The following XKR9 variants were observed in gnomAD, a reference collection of about 807,000 sequenced individuals.
XKR9 encodes the protein XK related 9.
XKR9 carries 32 observed loss-of-function variants against 32.0 expected under a neutral mutation model. The observed-to-expected ratio is 1.00, with a 90% CI of 0.76 to 1.34. The LOEUF (loss-of-function observed/expected upper bound fraction) is 1.34. XKR9 is among the 40% of genes most tolerant of loss of function. The pLI is 0.00. For synonymous variants in XKR9, 168 were observed against 143.4 expected (o/e 1.17, Z -1.22); for missense variants, 546 against 429.7 (o/e 1.27, Z -2.39).
the XKR9 span, among the ~76,000 whole-genome samples, chr8:70,867,813 T>C: frequency 1.3e-5 from 2 of 152,186 alleles, no homozygotes; most frequent in Admixed American, 1.3e-4. Flanking sequence ...CAAAGTCTCA[T>C]CTGAGACAAG....
At chr8:70,853,057 T>G in the XKR9 span, among the ~76,000 whole-genome samples, 1 of 152,164 alleles carries the variant, frequency 6.6e-6, no homozygotes, top group Admixed American at 6.6e-5. Context: ...GGAATACTAT[T>G]CAACCATAAA....
chr8:70,795,636 CA>C, the XKR9 span, among the ~76,000 whole-genome samples: 7 of 152,142 alleles, frequency 4.6e-5, no homozygotes, highest in Admixed American at 4.6e-4. Context: ...ATAACCTTGT[CA>C]GCATCTGTTA....
At chr8:70,670,287 G>A (rs1019295201) in intron 1 of XKR9, among the ~76,000 whole-genome samples, 8 of 152,128 alleles carry the variant, frequency 5.3e-5, no homozygotes, top group African/African-American at 1.7e-4. Context: ...GCCGTTTTGT[G>A]CCCAAGATGG....
chr8:70,766,029 A>G (rs921167312), intron 2 of XKR9, among the ~76,000 whole-genome samples: 1 of 152,096 alleles, frequency 6.6e-6, no homozygotes, highest in Non-Finnish European at 1.5e-5. Context: ...TGTTTGAGTC[A>G]GGTAGTGTGA....
chr8:70,942,737 T>C, the XKR9 span, among the ~76,000 whole-genome samples: 1 of 152,166 alleles, frequency 6.6e-6, no homozygotes, highest in Non-Finnish European at 1.5e-5. Context: ...ATCATCCTTT[T>C]AGGCTTGTTA....
At chr8:70,876,309 C>T in the XKR9 span, among the ~76,000 whole-genome samples, 2 of 151,074 alleles carry the variant, frequency 1.3e-5, no homozygotes, top group East Asian at 3.9e-4. Flanking sequence ...GCAACCTCCG[C>T]CTCCTAGGTT....
At position 70,733,840 on chromosome 8, in the gene XKR9, GT is replaced by G; in HGVS notation, c.540del (p.Asp181IlefsTer4). 6.2e-7 allele frequency: 1 copy of G among 1,600,926 alleles called. No individual in the cohort carries two copies. Among genetic ancestry groups the G allele is most frequent in the Non-Finnish European group, 8.5e-7 (1 of 1,176,394 alleles). ...VSCCAISWST[V>X]DYQVALRKSL... ...TTGCTGTGCTATTTCTTGGTCAACTGTTGATTATCAAGTAGCTTTAAGAAAA... is the reference window on the plus strand; with the variant it reads ...TTGCTGTGCTATTTCTTGGTCAACTGTGATTATCAAGTAGCTTTAAGAAAA... On this transcript the variant is annotated frameshift_variant, in exon 5 of 5. Transcript: ENST00000408926. LOFTEE classifies it high-confidence loss of function.
chr8:70,950,575 C>G, the XKR9 span, among the ~76,000 whole-genome samples: 1 of 152,120 alleles, frequency 6.6e-6, no homozygotes, highest in Non-Finnish European at 1.5e-5. Flanking sequence ...CGGAGGACAG[C>G]CTTGAGTTTC....
At chr8:70,749,817 A>T (rs2130181200) in intron 2 of XKR9, among the ~76,000 whole-genome samples, 1 of 152,336 alleles carries the variant, frequency 6.6e-6, no homozygotes, top group African/African-American at 2.4e-5. Flanking sequence ...TATCACTGTG[A>T]CTATAAGACA....
the XKR9 span, among the ~76,000 whole-genome samples, chr8:71,024,046 AG>A: frequency 6.6e-6 from 1 of 152,096 alleles, no homozygotes; most frequent in African/African-American, 2.4e-5. Context: ...TGGGAGGGGC[AG>A]GGCCAGGCCA....
chr8:70,801,268 A>G, the XKR9 span, among the ~76,000 whole-genome samples: 2 of 151,916 alleles, frequency 1.3e-5, no homozygotes, highest in African/African-American at 4.8e-5. Context: ...TGTTAATTTG[A>G]AGTTTTCATA....
At chr8:70,931,613 A>G in the XKR9 span, among the ~76,000 whole-genome samples, 2 of 152,186 alleles carry the variant, frequency 1.3e-5, no homozygotes, top group Non-Finnish European at 2.9e-5. Flanking sequence ...GAAAGAAAAG[A>G]GGTTTATTTT....
chr8:70,882,828 G>A, the XKR9 span, among the ~76,000 whole-genome samples: 1 of 151,488 alleles, frequency 6.6e-6, no homozygotes, highest in Non-Finnish European at 1.5e-5. Context: ...CATTTTATGA[G>A]TTTTGCCAAA....
the XKR9 span, among the ~76,000 whole-genome samples, chr8:70,858,125 G>T: frequency 2.0e-5 from 3 of 152,154 alleles, no homozygotes; most frequent in African/African-American, 7.2e-5. Flanking sequence ...GGGCAATCAG[G>T]CAGGAGAAGG....
chr8:70,882,326 T>G, the XKR9 span, among the ~76,000 whole-genome samples: 1 of 151,816 alleles, frequency 6.6e-6, no homozygotes, highest in Non-Finnish European at 1.5e-5. Flanking sequence ...AATTAAGGCA[T>G]GTGGTAAGAT....
the XKR9 span, among the ~76,000 whole-genome samples, chr8:71,061,977 C>T: frequency 2.5e-3 from 386 of 152,320 alleles, 2 homozygotes; most frequent in African/African-American, 8.7e-3. Context: ...TTATCCATTT[C>T]CCAGGCATTT....
At chr8:70,703,940 T>TG (rs1805630043) in intron 3 of XKR9, among the ~76,000 whole-genome samples, 1 of 152,158 alleles carries the variant, frequency 6.6e-6, no homozygotes, top group African/African-American at 2.4e-5. Flanking sequence ...CCCAGCACTT[T>TG]GGGAGCCTGA....
At chr8:70,969,918 G>A in the XKR9 span, among the ~76,000 whole-genome samples, 31 of 151,940 alleles carry the variant, frequency 2.0e-4, no homozygotes, top group Non-Finnish European at 4.3e-4. Context: ...CCATTCACCC[G>A]AGTCACCAAA....
the XKR9 span, among the ~76,000 whole-genome samples, chr8:70,969,070 T>G: frequency 9.2e-5 from 14 of 152,302 alleles, no homozygotes; most frequent in African/African-American, 3.4e-4. Context: ...CTGCTTACTT[T>G]TGGCAGTGAG....
Sources: allele counts gnomAD v4.1 joint callset (sites outside exome capture counted in the v4.1 genomes callset), GRCh38; gene constraint gnomAD v4.1.1; transcripts MANE v1.5; gene names NCBI Gene and HGNC (gene_info 2026-07-23, HGNC 2026-07-21).